The following CCSER1 variants were observed in gnomAD, a reference collection of about 807,000 sequenced individuals.
CCSER1 encodes serine-rich coiled-coil domain-containing protein 1.
Under a neutral mutation model 82.0 loss-of-function variants are expected in CCSER1, and 41 were observed. The observed-to-expected ratio is 0.50, with a 90% CI of 0.39 to 0.65. The LOEUF is 0.65. Among genes scored for constraint, CCSER1 ranks in the 30% least tolerant of loss-of-function variants. The probability of loss-of-function intolerance (pLI) is 0.00; values close to 1 mark genes in which losing one functional copy is unlikely to be tolerated. For synonymous variants in CCSER1, 414 were observed against 383.9 expected (o/e 1.08, Z -0.92); for missense variants, 1,119 against 1,064.2 (o/e 1.05, Z -0.72).
chr4:91,446,410 T>C (rs1412998166), intron 10 of CCSER1, among the ~76,000 whole-genome samples: 1 of 151,978 alleles, frequency 6.6e-6, no homozygotes, highest in Non-Finnish European at 1.5e-5. Flanking sequence ...ATTTACGTAT[T>C]GGCAGAGTGT....
At chr4:91,032,849 T>C (rs776486839) in intron 9 of CCSER1, among the ~76,000 whole-genome samples, 65 of 152,324 alleles carry the variant, frequency 4.3e-4, no homozygotes, top group Middle Eastern at 3.4e-3. Flanking sequence ...GAGAATTTGC[T>C]TTTCTAACTG....
chr4:91,536,205 G>T (rs1357871467), intron 10 of CCSER1, among the ~76,000 whole-genome samples: 2 of 152,090 alleles, frequency 1.3e-5, no homozygotes, highest in Non-Finnish European at 2.9e-5. Context: ...ACCTACTCAT[G>T]CATAACACAA....
At chr4:91,165,908 C>T (rs1211502377) in intron 10 of CCSER1, among the ~76,000 whole-genome samples, 1 of 152,202 alleles carries the variant, frequency 6.6e-6, no homozygotes, top group Non-Finnish European at 1.5e-5. Context: ...GTATCCTGCC[C>T]AGCTTTGGCT....
intron 10 of CCSER1, among the ~76,000 whole-genome samples, chr4:91,185,083 A>G (rs1192730203): frequency 6.6e-6 from 1 of 152,194 alleles, no homozygotes; most frequent in African/African-American, 2.4e-5. Flanking sequence ...GAAATGATTG[A>G]AATGTCCACT....
intron 3 of CCSER1, among the ~76,000 whole-genome samples, chr4:90,332,068 T>C (rs1227980377): frequency 6.6e-6 from 1 of 152,096 alleles, no homozygotes; most frequent in Admixed American, 6.6e-5. Flanking sequence ...ATATTAATAG[T>C]ATCAGACTCA....
intron 9 of CCSER1, among the ~76,000 whole-genome samples, chr4:91,028,305 C>T (rs1414132872): frequency 4.6e-5 from 7 of 151,672 alleles, no homozygotes; most frequent in Non-Finnish European, 8.8e-5. Flanking sequence ...AATATACTGC[C>T]CTTATATATT....
At chr4:91,219,460 C>T (rs1259931223) in intron 10 of CCSER1, among the ~76,000 whole-genome samples, 1 of 152,016 alleles carries the variant, frequency 6.6e-6, no homozygotes, top group Non-Finnish European at 1.5e-5. Context: ...CTGCAGTCGC[C>T]TGCCACCACA....
chr4:90,302,649 T>C (rs1733379315), intron 1 of CCSER1, among the ~76,000 whole-genome samples: 1 of 151,822 alleles, frequency 6.6e-6, no homozygotes, highest in African/African-American at 2.4e-5. Context: ...AAATTTTTTT[T>C]AAAGTTAATT....
At chr4:90,859,444 A>T (rs1764818793) in intron 8 of CCSER1, among the ~76,000 whole-genome samples, 1 of 151,808 alleles carries the variant, frequency 6.6e-6, no homozygotes, top group Admixed American at 6.6e-5. Flanking sequence ...GCGAAGCTTT[A>T]TGATTCATAA....
At chr4:90,709,325 G>A (rs925522992) in intron 6 of CCSER1, among the ~76,000 whole-genome samples, 1 of 151,992 alleles carries the variant, frequency 6.6e-6, no homozygotes, top group African/African-American at 2.4e-5. Context: ...AGGGTGTGCA[G>A]GTTTGTTATA....
intron 10 of CCSER1, among the ~76,000 whole-genome samples, chr4:91,370,393 T>C (rs1328381671): frequency 6.6e-6 from 1 of 152,130 alleles, no homozygotes; most frequent in Non-Finnish European, 1.5e-5. Flanking sequence ...CCAAATGTGT[T>C]ATTTCTTTTA....
At chr4:90,636,787 A>C (rs894887569) in intron 6 of CCSER1, among the ~76,000 whole-genome samples, 1 of 152,152 alleles carries the variant, frequency 6.6e-6, no homozygotes, top group Admixed American at 6.5e-5. Flanking sequence ...AAGAATATCC[A>C]CTCACCACGT....
At chr4:91,303,628 GAATAAT>G (rs879713217) in intron 10 of CCSER1, among the ~76,000 whole-genome samples, 1 of 151,270 alleles carries the variant, frequency 6.6e-6, no homozygotes, top group Non-Finnish European at 1.5e-5. Flanking sequence ...TCTACAAAAA[GAATAAT>G]AATAATAATA....
intron 10 of CCSER1, among the ~76,000 whole-genome samples, chr4:91,432,344 T>C (rs185276142): frequency 6.6e-6 from 1 of 152,238 alleles, no homozygotes; most frequent in African/African-American, 2.4e-5. Flanking sequence ...GTGAATAGAA[T>C]TATAGTACAA....
chr4:90,318,765 C>G (rs1482425686), intron 3 of CCSER1, among the ~76,000 whole-genome samples: 1 of 152,120 alleles, frequency 6.6e-6, no homozygotes, highest in Non-Finnish European at 1.5e-5. Flanking sequence ...ATCCTTTATT[C>G]ATTATAATTC....
At chr4:90,906,843 T>C (rs1725550712) in intron 8 of CCSER1, among the ~76,000 whole-genome samples, 1 of 152,124 alleles carries the variant, frequency 6.6e-6, no homozygotes, top group African/African-American at 2.4e-5. Context: ...GTTGTTGTAT[T>C]AGTCAGTGCC....
At chr4:90,373,395 A>G (rs1411652430) in intron 3 of CCSER1, among the ~76,000 whole-genome samples, 1 of 152,202 alleles carries the variant, frequency 6.6e-6, no homozygotes, top group Admixed American at 6.5e-5. Flanking sequence ...TGTGGAAAAT[A>G]TAGCACTGGA....
chr4:91,185,481 A>G (rs962334962), intron 10 of CCSER1, among the ~76,000 whole-genome samples: 1 of 152,196 alleles, frequency 6.6e-6, no homozygotes, highest in Admixed American at 6.5e-5. Context: ...GGGGTTCCCC[A>G]GGCAGAAGGC....
At chr4:91,055,299 T>A (rs1431577157) in intron 9 of CCSER1, among the ~76,000 whole-genome samples, 1 of 152,202 alleles carries the variant, frequency 6.6e-6, no homozygotes, top group Non-Finnish European at 1.5e-5. Context: ...TCCTTTTTAG[T>A]TGTTGATATC....
Sources: gnomAD v4.1 joint callset for allele counts (sites outside exome capture counted in the v4.1 genomes callset) on GRCh38, gnomAD v4.1.1 for gene constraint, MANE v1.5 for transcripts, NCBI Gene and HGNC (gene_info 2026-07-23, HGNC 2026-07-21) for gene names.